The following DNAAF1 variants were observed in gnomAD, a reference collection of about 807,000 sequenced individuals.
DNAAF1 encodes dynein assembly factor 1, axonemal.
A neutral mutation model predicts 71.1 loss-of-function variants in DNAAF1; 65 were observed. The ratio of observed to expected loss-of-function variants is 0.91; its 90% CI spans 0.75 to 1.12. DNAAF1 has a LOEUF of 1.12. Ranked by LOEUF, DNAAF1 falls within the 50% of genes most tolerant of loss-of-function variation. The pLI is 0.00. For synonymous variants in DNAAF1, 414 were observed against 354.6 expected (o/e 1.17, Z -1.88); for missense variants, 1,178 against 899.8 (o/e 1.31, Z -3.96).
At chr16:84,162,854 C>T (rs2087780512) in intron 6 of DNAAF1, among the ~76,000 whole-genome samples, 1 of 151,710 alleles carries the variant, frequency 6.6e-6, no homozygotes, top group African/African-American at 2.4e-5. Context: ...TCCCCATTAG[C>T]AGCCAACCCC....
chr16:84,176,305 A>G lies in DNAAF1; in HGVS notation c.2065+6A>G. ...CCTTGCAGCCTCTTCTCCGGGTAAG[A>G]GCGTGGGGCCGAGAGCACAGTGGAG... On this transcript the variant is annotated splice_donor_region_variant and intron_variant, in intron 11 of 11. Coordinates refer to ENST00000378553, the MANE Select transcript of DNAAF1 (RefSeq NM_178452.6). 1.9e-6 allele frequency: 3 copies of G among 1,613,014 alleles called. No homozygotes were observed. Among genetic ancestry groups the G allele is most frequent in the Non-Finnish European group, 2.5e-6 (3 of 1,179,936 alleles).
intron 6 of DNAAF1, among the ~76,000 whole-genome samples, chr16:84,165,135 G>T (rs11865142): frequency 6.6e-6 from 1 of 151,974 alleles, no homozygotes; most frequent in Non-Finnish European, 1.5e-5. Context: ...AAAGTTCTTT[G>T]TATGTTTTGG....
rs924499881 is a variant in DNAAF1 at position 84,174,103 on chromosome 16, C to T, written c.1645-566C>T. 9.1e-6 allele frequency: 8 copies of T among 877,438 alleles called. No homozygotes were observed. In the African/African-American group the frequency reaches 1.3e-4, roughly 14 times the overall value. The allele number at this position is 877,438 out of a possible 1,614,324, so 54.4% of individuals were successfully genotyped here. A position where few individuals can be genotyped will look rare whatever the true frequency, so the allele number is the denominator to read the frequency against. On this transcript the variant is annotated intron_variant, in intron 9 of 11. Coordinates refer to ENST00000378553, the MANE Select transcript of DNAAF1 (RefSeq NM_178452.6). ...AAACAGAGAGGTTAGGCAACTTGCC[C>T]AAAGCCAGACAGCTAGAAAATGGTG... is the stretch of plus-strand genomic sequence containing the variant.
chr16:84,170,902 GT>G (rs1245403931), intron 8 of DNAAF1, among the ~76,000 whole-genome samples: 1 of 152,042 alleles, frequency 6.6e-6, no homozygotes, highest in African/African-American at 2.4e-5. Context: ...TTAATGACAT[GT>G]TTAATTTAAC....
At chr16:84,146,878 CAAAT>C (rs1441340348) in intron 1 of DNAAF1, among the ~76,000 whole-genome samples, 2 of 152,188 alleles carry the variant, frequency 1.3e-5, no homozygotes, top group African/African-American at 4.8e-5. Context: ...ACGCAGGCAA[CAAAT>C]AAACCAGCTG....
rs1336386672 is a variant in DNAAF1, at chr16:84,170,221, G to A, written c.1393G>A (p.Glu465Lys). Residue 465 changes from glutamate (E) to lysine (K), a missense_variant, in exon 8 of 12, where the codon GAG becomes AAG. By Grantham distance (56) the Glu-to-Lys change is moderately conservative. Transcript: ENST00000378553. ...VKGEDGDQEP[E>K]GTLPAETLLL... ...AGGAGAGGATGGAGATCAAGAGCCA[G>A]AGGGGACCCTCCCAGCTGAGACCCT... The A allele has an allele frequency of 6.2e-7, 1 of 1,612,372 alleles. No individual in the cohort carries two copies. Among genetic ancestry groups the A allele is most frequent in the East Asian group, 2.2e-5 (1 of 44,798 alleles).
chr16:84,167,021 C>T lies in DNAAF1; in HGVS notation c.1030+1072C>T, dbSNP rs566882346. Among the ~76,000 whole-genome samples the T allele has an allele frequency of 1.4e-4, 21 of 152,208 alleles. No individual in the cohort carries two copies. The East Asian group carries it at 1.5e-3, about 11-fold the overall frequency. On this transcript the variant is annotated intron_variant, in intron 7 of 11. Transcript: ENST00000378553. ...CCGCACAAGTGATGGGCAATGGTCT[C>T]GCAAGATGACTCTCCACTTCCAATG...
At chr16:84,147,713 A>G (rs190696742) in intron 1 of DNAAF1, among the ~76,000 whole-genome samples, 2 of 152,246 alleles carry the variant, frequency 1.3e-5, no homozygotes, top group Admixed American at 1.3e-4. Context: ...GTAACATTTT[A>G]TCATATTTAT....
intron 6 of DNAAF1, among the ~76,000 whole-genome samples, chr16:84,164,686 C>G (rs138791192): frequency 1.3e-5 from 2 of 152,340 alleles, no homozygotes; most frequent in East Asian, 1.9e-4. Context: ...ATCTTGGTCA[C>G]TTCTAGTTTT....
chr16:84,173,315 T>A (rs1037679434), intron 9 of DNAAF1: 4 of 704,902 alleles, frequency 5.7e-6, no homozygotes, highest in Non-Finnish European at 7.0e-6. Context: ...TAGAAAAAAA[T>A]TAGCCAGGTG....
intron 11 of DNAAF1, chr16:84,176,533 GCAGCCGAGT>G (rs1448328659): frequency 6.3e-6 from 4 of 633,236 alleles, no homozygotes; most frequent in Non-Finnish European, 1.1e-5. Flanking sequence ...CTCCTCTTGG[GCAGCCGAGT>G]CTGACTGTGT....
Position 84,164,427 on chromosome 16 carries a change from C to A in DNAAF1, c.864-1356C>A, listed in dbSNP as rs1039640871. On this transcript the variant is annotated intron_variant, in intron 6 of 11. Transcript: ENST00000378553. Reference sequence around the variant, plus strand: ...TGCTCTGCTTCTTCATCCCTCCTACCTCCTCAGCCCCAACTTCTGGCAACA... The same window carrying A: ...TGCTCTGCTTCTTCATCCCTCCTACATCCTCAGCCCCAACTTCTGGCAACA... Among the ~76,000 whole-genome samples, 20 of 152,172 alleles carry A rather than the reference C, an allele frequency of 1.3e-4. 2 individuals are homozygous for A.
In DNAAF1 at chr16:84,168,678, T is replaced by G. The variant is rs112548570; in HGVS notation, c.1031-1181T>G. ...TATTTTCCATACAATAGACATTTTC[T>G]TACTGCATATATTGTCTTTTCCTAA... is the stretch of plus-strand genomic sequence containing the variant. On this transcript the variant is annotated intron_variant, in intron 7 of 11. Transcript: ENST00000378553. 3.3e-3 allele frequency among the ~76,000 whole-genome samples: 499 copies of G among 152,332 alleles called. 3 individuals carry two copies. Among genetic ancestry groups the G allele is most frequent in the African/African-American group, 0.011 (459 of 41,552 alleles).
chr16:84,176,893 G>C (rs2088714437), intron 11 of DNAAF1: 1 of 172,042 alleles, frequency 5.8e-6, no homozygotes, highest in African/African-American at 2.4e-5. Flanking sequence ...ATGTACCGGG[G>C]CCTCCCCTCA....
chr16:84,163,122 T>G (rs769712067), intron 6 of DNAAF1, among the ~76,000 whole-genome samples: 2 of 152,250 alleles, frequency 1.3e-5, no homozygotes, highest in Non-Finnish European at 2.9e-5. Context: ...AAATTAGGGT[T>G]GTTTTCACTT....
intron 9 of DNAAF1, chr16:84,173,326 T>C (rs900682922): frequency 1.6e-6 from 1 of 623,340 alleles, no homozygotes; most frequent in African/African-American, 2.0e-5. Flanking sequence ...TAGCCAGGTG[T>C]GGTGATGGGC....
At chr16:84,165,621 G>A (rs962430569) in intron 6 of DNAAF1, among the ~76,000 whole-genome samples, 162 bp from the exon 7 acceptor site, 2 of 152,062 alleles carry the variant, frequency 1.3e-5, no homozygotes, top group African/African-American at 4.8e-5. Context: ...TTTGCAGACT[G>A]TTCCACCTTA....
chr16:84,170,929 T>C (rs1479262118), intron 8 of DNAAF1, among the ~76,000 whole-genome samples: 2 of 152,100 alleles, frequency 1.3e-5, no homozygotes, highest in Non-Finnish European at 2.9e-5. Context: ...ATATAAAAAA[T>C]ATAATCATGT....
At chr16:84,158,960 AC>A (rs1179751775) in intron 5 of DNAAF1, 1 of 884,426 alleles carries the variant, frequency 1.1e-6, no homozygotes, top group Non-Finnish European at 1.4e-6. Context: ...CGAACTCCTG[AC>A]CTCAAGTGAT....
Sources: gnomAD v4.1 joint callset for allele counts (sites outside exome capture counted in the v4.1 genomes callset) on GRCh38, gnomAD v4.1.1 for gene constraint, MANE v1.5 for transcripts, NCBI Gene and HGNC (gene_info 2026-07-23, HGNC 2026-07-21) for gene names.